DPYSL3: variants seen among roughly 807,000 people sequenced by gnomAD.
DPYSL3 encodes dihydropyrimidinase-related protein 3.
DPYSL3 carries 16 observed loss-of-function variants against 66.1 expected under a neutral mutation model. The ratio of observed to expected loss-of-function variants is 0.24; its 90% CI spans 0.16 to 0.37. The LOEUF is 0.37. Among genes scored for constraint, DPYSL3 ranks in the 10% least tolerant of loss-of-function variants. The probability of loss-of-function intolerance (pLI) is 1.00; values close to 1 mark genes in which losing one functional copy is unlikely to be tolerated. For missense variants in DPYSL3, 738 were observed against 916.2 expected (o/e 0.81, Z 2.51); for synonymous variants, 338 against 345.1 (o/e 0.98, Z 0.23).
intron 9 of DPYSL3, among the ~76,000 whole-genome samples, chr5:147,401,321 A>G (rs1864962): frequency 0.44 from 67,456 of 151,970 alleles, 15,370 homozygotes; most frequent in East Asian, 0.55. Flanking sequence ...GGTTTTAACT[A>G]CTATTACCAT....
intron 1 of DPYSL3, among the ~76,000 whole-genome samples, chr5:147,494,920 C>G (rs2126451800): frequency 7.0e-6 from 1 of 142,100 alleles, no homozygotes; most frequent in South Asian, 2.2e-4. Flanking sequence ...TAGAATATTA[C>G]AAACAACTGT....
In DPYSL3 at chr5:147,400,800, G is replaced by A. The variant is rs201019011; in HGVS notation, c.1344C>T (p.Cys448=). Residue 448 remains cysteine, a synonymous_variant, in exon 10 of 14, where the codon TGC becomes TGT. Coordinates refer to ENST00000343218, the MANE Select transcript of DPYSL3 (RefSeq NM_001197294.2). The part of the protein sequence containing the change: ...GDLQLSGSAH[C]TFSTAQKAIG... ...TTGCTTTCTGGGCAGTGCTGAAGGTGCAGTGGGCACTCCCAGATAGCTGCA... is the reference window on the plus strand; with the variant it reads ...TTGCTTTCTGGGCAGTGCTGAAGGTACAGTGGGCACTCCCAGATAGCTGCA... 36 of 1,614,154 alleles carry A rather than the reference G, an allele frequency of 2.2e-5. No individual in the cohort carries two copies. Among genetic ancestry groups the A allele is most frequent in the Non-Finnish European group, 3.0e-5 (35 of 1,180,004 alleles).
At chr5:147,460,913 T>A (rs750310688) in intron 1 of DPYSL3, among the ~76,000 whole-genome samples, 51 of 152,182 alleles carry the variant, frequency 3.4e-4, no homozygotes, top group Non-Finnish European at 6.0e-4. Flanking sequence ...AGGAGAATCA[T>A]AATTTAGACG....
intron 1 of DPYSL3, among the ~76,000 whole-genome samples, chr5:147,496,140 C>A (rs1311540202): frequency 6.6e-6 from 1 of 152,198 alleles, no homozygotes; most frequent in South Asian, 2.1e-4. Flanking sequence ...CAAAAACAAG[C>A]AATGGGGAAA....
At chr5:147,448,694 T>C (rs1752672600) in intron 1 of DPYSL3, among the ~76,000 whole-genome samples, 1 of 152,184 alleles carries the variant, frequency 6.6e-6, no homozygotes, top group African/African-American at 2.4e-5. Context: ...TCTTGCCACA[T>C]AGACTTGAAT....
chr5:147,486,541 C>T (rs1035694930), intron 1 of DPYSL3, among the ~76,000 whole-genome samples: 3 of 152,132 alleles, frequency 2.0e-5, no homozygotes, highest in East Asian at 3.9e-4. Flanking sequence ...ATATCGATTC[C>T]GTGCCTTCTC....
intron 8 of DPYSL3, among the ~76,000 whole-genome samples, chr5:147,404,017 G>A (rs1758268605): frequency 6.6e-6 from 1 of 152,210 alleles, no homozygotes; most frequent in Non-Finnish European, 1.5e-5. Context: ...GCAGAATGCA[G>A]CCTCAGCAGA....
chr5:147,402,330 G>A (rs1001656514), intron 8 of DPYSL3, among the ~76,000 whole-genome samples: 1 of 148,328 alleles, frequency 6.7e-6, no homozygotes. Flanking sequence ...GTGGATTAGA[G>A]ACTCTCATGA....
chr5:147,446,052 C>A (rs1439942340), intron 1 of DPYSL3, among the ~76,000 whole-genome samples: 1 of 152,174 alleles, frequency 6.6e-6, no homozygotes, highest in East Asian at 1.9e-4. Context: ...TGAGTTTCAG[C>A]CAACAATGGT....
Position 147,399,099 on chromosome 5 carries a change from C to A in DPYSL3, c.1606G>T (p.Ala536Ser). The change falls in exon 11 of 14, where the codon GCC (alanine) becomes TCC (serine). Residue 536 changes from alanine (A) to serine (S), a missense_variant. Physicochemically the swap from Ala to Ser is moderately conservative, Grantham distance 99. Transcript: ENST00000343218. Reference protein sequence around the residue: ...WDPDAVKIVSAKNHQSAAEYN... With the variant: ...WDPDAVKIVSSKNHQSAAEYN... The stretch of plus-strand genomic sequence containing the variant: ...GGCCTTACAGACTGGTGGTTCTTGG[C>A]AGAGACGATCTTCACAGCATCTGGA... 1 of 1,614,060 alleles carries A rather than the reference C, an allele frequency of 6.2e-7. No individual in the cohort carries two copies. Among genetic ancestry groups the A allele is most frequent in the Non-Finnish European group, 8.5e-7 (1 of 1,179,988 alleles).
At chr5:147,447,609 G>A (rs1231696249) in intron 1 of DPYSL3, among the ~76,000 whole-genome samples, 2 of 152,122 alleles carry the variant, frequency 1.3e-5, no homozygotes, top group African/African-American at 2.4e-5. Flanking sequence ...GGTGGCTCAC[G>A]CCTGTAATCC....
intron 1 of DPYSL3, among the ~76,000 whole-genome samples, chr5:147,465,071 G>A (rs1752990745): frequency 6.6e-6 from 1 of 152,168 alleles, no homozygotes; most frequent in East Asian, 1.9e-4. Context: ...GCACATGCCT[G>A]TAATTCCAGC....
At chr5:147,397,630 GC>G (rs1415824386) in intron 12 of DPYSL3, 35 bp downstream of exon 12, 16 of 1,595,560 alleles carry the variant, frequency 1.0e-5, no homozygotes, top group Non-Finnish European at 1.4e-5. Context: ...GGAACACAAA[GC>G]TCCTGCACCA....
chr5:147,479,008 G>A (rs1013578015), intron 1 of DPYSL3, among the ~76,000 whole-genome samples: 4 of 152,026 alleles, frequency 2.6e-5, no homozygotes, highest in Non-Finnish European at 5.9e-5. Flanking sequence ...TAATAGGTGA[G>A]CAATAAATTT....
At chr5:147,413,546 A>G (rs753265125) in intron 5 of DPYSL3, 50 bp downstream of exon 5, 4 of 1,461,548 alleles carry the variant, frequency 2.7e-6, no homozygotes, top group African/African-American at 2.8e-5. Flanking sequence ...ATCAACAACA[A>G]TAGGAAACCC....
At chr5:147,476,025 C>T (rs960844755) in intron 1 of DPYSL3, among the ~76,000 whole-genome samples, 2 of 152,048 alleles carry the variant, frequency 1.3e-5, no homozygotes, top group African/African-American at 4.8e-5. Flanking sequence ...GAGGTTGATA[C>T]TATTATTATG....
chr5:147,456,663 T>C (rs1053318789), intron 1 of DPYSL3, among the ~76,000 whole-genome samples: 1 of 144,268 alleles, frequency 6.9e-6, no homozygotes, highest in Non-Finnish European at 1.5e-5. Context: ...TGATCTCGGC[T>C]CACAGCAACC....
intron 1 of DPYSL3, among the ~76,000 whole-genome samples, chr5:147,489,697 A>G (rs1334803260): frequency 2.0e-5 from 3 of 151,298 alleles, no homozygotes; most frequent in Non-Finnish European, 2.9e-5. Context: ...TGTTAGTTAG[A>G]TCTCCGTTTA....
chr5:147,422,455 G>T (rs1370240276), intron 2 of DPYSL3, among the ~76,000 whole-genome samples: 1 of 152,138 alleles, frequency 6.6e-6, no homozygotes, highest in Admixed American at 6.5e-5. Context: ...ATTCCTCAGG[G>T]ATCTAGAACC....
Sources: gnomAD v4.1 joint callset for allele counts (sites outside exome capture counted in the v4.1 genomes callset) on GRCh38, gnomAD v4.1.1 for gene constraint, MANE v1.5 for transcripts, NCBI Gene and HGNC (gene_info 2026-07-23, HGNC 2026-07-21) for gene names.